The following ZC3H7A variants were observed in gnomAD, a reference collection of about 807,000 sequenced individuals.
ZC3H7A encodes the protein zinc finger CCCH domain-containing protein 7A.
In ZC3H7A, 44 loss-of-function variants were observed where a neutral mutation model predicts 125.5. That is an observed-to-expected ratio of 0.35 (90% CI 0.28 to 0.45). The LOEUF is 0.45. ZC3H7A is among the 20% of genes least tolerant of loss of function. ZC3H7A has a pLI of 1.00. For synonymous variants in ZC3H7A, 399 were observed against 391.2 expected, an observed-to-expected ratio of 1.02 and a Z score of -0.23; for missense variants, 977 against 1,170.7, an observed-to-expected ratio of 0.83 and a Z score of 2.41.
Position 11,751,289 on chromosome 16 carries a change from T to C in ZC3H7A, c.*28A>G. ...TCAATTTTTCTGGTCAATGCTCTGA[T>C]TAGGTATCATACATAAAAGCCAGCA... On this transcript the variant is annotated 3_prime_UTR_variant, in exon 23 of 23. Transcript: ENST00000355758. 6.3e-7 allele frequency: 1 copy of C among 1,589,802 alleles called. No individual in the cohort carries two copies. Among genetic ancestry groups the C allele is most frequent in the Non-Finnish European group, 8.6e-7 (1 of 1,167,030 alleles).
Position 11,765,055 on chromosome 16 carries a change from A to G in ZC3H7A, c.1818T>C (p.Asn606=). 1 of 1,550,362 alleles carries G rather than the reference A, an allele frequency of 6.5e-7. No individual in the cohort carries two copies. The highest frequency in any genetic ancestry group is 2.4e-5 in the East Asian group (1 of 42,332). ...GAAATTAGAAACTATCAACATACTT[A>G]TTGTCTTCAAACTCATGCTTTGTAA... ...HPVTKHEFED[N]KCLVHILRET... Residue 606 remains asparagine, a splice_region_variant and synonymous_variant, in exon 15 of 23, where the codon AAT becomes AAC. Coordinates refer to ENST00000355758, the MANE Select transcript of ZC3H7A (RefSeq NM_014153.4). The surrounding 1 kb of genome is among the most constrained non-coding windows in gnomAD (Gnocchi z 4.8).
At chr16:11,752,446 T>G (rs768466740) in intron 22 of ZC3H7A, among the ~76,000 whole-genome samples, 8 of 152,218 alleles carry the variant, frequency 5.3e-5, no homozygotes, top group Non-Finnish European at 7.3e-5. Context: ...TTCAAATTAG[T>G]ATTGGAAGAC....
intron 1 of ZC3H7A, among the ~76,000 whole-genome samples, chr16:11,784,127 C>T (rs924009060): frequency 2.6e-5 from 4 of 152,066 alleles, no homozygotes; most frequent in Non-Finnish European, 5.9e-5. Context: ...AAGTCCATGA[C>T]ACTAGAGTAA....
chr16:11,783,445 T>TC (rs1297191598), intron 1 of ZC3H7A, among the ~76,000 whole-genome samples: 1 of 152,130 alleles, frequency 6.6e-6, no homozygotes, highest in Admixed American at 6.5e-5. Flanking sequence ...AAACTAGAGT[T>TC]CCTCAGGCTT....
Position 11,756,110 on chromosome 16 carries a change from C to G in ZC3H7A, c.2562+127G>C, listed in dbSNP as rs567807439. 19 of 1,357,324 alleles carry G rather than the reference C, an allele frequency of 1.4e-5. No individual in the cohort carries two copies. In the Admixed American group the frequency reaches 3.7e-4, roughly 26 times the overall value. The allele number at this position is 1,357,324 out of a possible 1,614,324, so 84.1% of individuals were successfully genotyped here. On this transcript the variant is annotated intron_variant, in intron 21 of 22. Transcript: ENST00000355758. ...CCAGGGAGGCGGAGGTTGCAGTGAG[C>G]TGAAATCACACCACTGCACTCCAGC...
chr16:11,755,115 C>G (rs963578217), intron 21 of ZC3H7A, among the ~76,000 whole-genome samples: 1 of 150,202 alleles, frequency 6.7e-6, no homozygotes, highest in Non-Finnish European at 1.5e-5. Context: ...AAGGCTGAGG[C>G]AGGAGAATCG....
At chr16:11,758,859 G>A (rs2052695698) in intron 19 of ZC3H7A, 2 of 265,494 alleles carry the variant, frequency 7.5e-6, no homozygotes, top group Non-Finnish European at 1.4e-5. Context: ...GGCCCTCTCA[G>A]TCTGACAGCT....
intron 18 of ZC3H7A, 128 bp downstream of exon 18, chr16:11,761,782 A>T: frequency 7.6e-7 from 1 of 1,309,534 alleles, no homozygotes; most frequent in Non-Finnish European, 1.0e-6. Context: ...TTGTGTCTGT[A>T]ATTATCCTAA....
At chr16:11,774,838 G>T in intron 8 of ZC3H7A, 142 bp downstream of exon 8, 1 of 1,066,202 alleles carries the variant, frequency 9.4e-7, no homozygotes. Flanking sequence ...AGGGAGCATT[G>T]GAAATCATTT....
At chr16:11,773,545 C>T (rs762824480) in intron 9 of ZC3H7A, among the ~76,000 whole-genome samples, 4 of 151,826 alleles carry the variant, frequency 2.6e-5, no homozygotes, top group Non-Finnish European at 5.9e-5. Flanking sequence ...TTGGCTGAAC[C>T]CCGCTTTAAA....
In ZC3H7A at chr16:11,764,172, C is replaced by T. The variant is rs186339116; in HGVS notation, c.1821-513G>A. ...TCACACCTGTAATCTCAGCACTTTGCGAGGCCAAGACGGGTGGATCACCTG... is the reference window on the plus strand; with the variant it reads ...TCACACCTGTAATCTCAGCACTTTGTGAGGCCAAGACGGGTGGATCACCTG... On this transcript the variant is annotated intron_variant, in intron 15 of 22. Transcript: ENST00000355758. 3.1e-3 allele frequency among the ~76,000 whole-genome samples: 479 copies of T among 152,170 alleles called. 2 individuals are homozygous for T. Among genetic ancestry groups the T allele is most frequent in the African/African-American group, 0.01 (434 of 41,528 alleles).
intron 3 of ZC3H7A, 59 bp downstream of exon 3, chr16:11,781,366 A>G: frequency 6.4e-7 from 1 of 1,553,038 alleles, no homozygotes; most frequent in Non-Finnish European, 8.8e-7. Context: ...CCCCTGCTAC[A>G]AATTACAGTT....
chr16:11,764,651 G>A (rs1330869862), intron 15 of ZC3H7A, among the ~76,000 whole-genome samples: 3 of 152,112 alleles, frequency 2.0e-5, no homozygotes, highest in Admixed American at 6.6e-5. Flanking sequence ...GAATCTGGGA[G>A]GCAGAACTTG....
chr16:11,760,136 A>AAG (rs2052725518), intron 19 of ZC3H7A, among the ~76,000 whole-genome samples: 1 of 150,666 alleles, frequency 6.6e-6, no homozygotes, highest in Admixed American at 6.6e-5. Flanking sequence ...AAAAAAAAAA[A>AAG]AAAAAAAAAG....
intron 12 of ZC3H7A, among the ~76,000 whole-genome samples, chr16:11,768,092 C>T (rs961827159): frequency 6.6e-6 from 1 of 152,120 alleles, no homozygotes; most frequent in Non-Finnish European, 1.5e-5. Context: ...TTCTATTCTA[C>T]ATGATTCTAT....
At chr16:11,795,717 G>A (rs1047726964) in intron 1 of ZC3H7A, among the ~76,000 whole-genome samples, 1 of 152,022 alleles carries the variant, frequency 6.6e-6, no homozygotes, top group Non-Finnish European at 1.5e-5. Flanking sequence ...GATTACAGAC[G>A]TTGAGCCACC....
rs753846511 is a variant in ZC3H7A, at chr16:11,761,889, G to T, written c.2213+21C>A. Reference sequence around the variant, plus strand: ...AACAGAAAATTACAAAATAGGAATTGTTTCCACACACAATACTTACGAATG... The same window carrying T: ...AACAGAAAATTACAAAATAGGAATTTTTTCCACACACAATACTTACGAATG... On this transcript the variant is annotated intron_variant, in intron 18 of 22. Transcript: ENST00000355758. The T allele has an allele frequency of 3.1e-6, 5 of 1,605,486 alleles. No individual in the cohort carries two copies. The Admixed American group carries it at 8.7e-5, about 28-fold the overall frequency.
At position 11,765,083 on chromosome 16, in the gene ZC3H7A, G is replaced by A. The variant is rs763769203; in HGVS notation, c.1790C>T (p.Pro597Leu). The A allele has an allele frequency of 1.1e-5, 17 of 1,588,056 alleles. No homozygotes were observed. The highest frequency in any genetic ancestry group is 4.6e-5 in the East Asian group (2 of 43,070). ...NKDNSTACSH[P>L]VTKHEFEDNK... ...GTCTTCAAACTCATGCTTTGTAACC[G>A]GGTGAGAACAAGCAGTAGAATTATC... Residue 597 changes from proline (P) to leucine (L), a missense_variant, in exon 15 of 23, where the codon CCG (proline) becomes CTG (leucine). By Grantham distance (98) the Pro-to-Leu change is moderately conservative. Around this residue, in one of 3 missense-constraint regions of ZC3H7A, gnomAD observed 436 missense variants for 603.2 expected, o/e 0.72. Transcript: ENST00000355758. This position sits in a 1 kb window ranked among gnomAD's most constrained non-coding sequence, Gnocchi z 4.8.
chr16:11,769,116 C>A, intron 10 of ZC3H7A, 21 bp from the exon 11 acceptor site: 1 of 1,596,084 alleles, frequency 6.3e-7, no homozygotes, highest in Non-Finnish European at 8.5e-7. Flanking sequence ...AAAAAAACTT[C>A]AACAGACCTT....
Sources: allele counts gnomAD v4.1 joint callset (sites outside exome capture counted in the v4.1 genomes callset), GRCh38; gene constraint gnomAD v4.1.1; regional missense constraint gnomAD v4.1.1; non-coding constraint Gnocchi (gnomAD v3.1); transcripts MANE v1.5; gene names NCBI Gene and HGNC (gene_info 2026-07-23, HGNC 2026-07-21).